The following METTL6 variants were observed in gnomAD, a reference collection of about 807,000 sequenced individuals.
METTL6 encodes the protein methyltransferase 6, tRNA N3-cytidine.
In METTL6, 22 loss-of-function variants were observed where a neutral mutation model predicts 26.4. The ratio of observed to expected loss-of-function variants is 0.83; its 90% confidence interval spans 0.59 to 1.19. The LOEUF is 1.19. Among genes scored for constraint, METTL6 ranks in the 50% most tolerant of loss-of-function variants. The pLI is 0.00. For missense variants in METTL6, 304 were observed against 324.8 expected, an observed-to-expected ratio of 0.94 and a Z score of 0.49; for synonymous variants, 109 against 116.2, an observed-to-expected ratio of 0.94 and a Z score of 0.40.
chr3:15,422,955 T>C (rs1027803182), intron 3 of METTL6, among the ~76,000 whole-genome samples: 3 of 152,150 alleles, frequency 2.0e-5, no homozygotes, highest in Non-Finnish European at 2.9e-5. Flanking sequence ...ACAGATAATA[T>C]AGAACATAGA....
intron 6 of METTL6, among the ~76,000 whole-genome samples, chr3:15,387,378 C>T (rs1312915043): frequency 6.6e-6 from 1 of 152,170 alleles, no homozygotes; most frequent in Non-Finnish European, 1.5e-5. Flanking sequence ...TCAGTAAGGT[C>T]TTTGTGACCT....
chr3:15,402,318 A>T (rs1699669266), intron 6 of METTL6, among the ~76,000 whole-genome samples: 1 of 152,160 alleles, frequency 6.6e-6, no homozygotes, highest in Non-Finnish European at 1.5e-5. Flanking sequence ...GGGAATGGGG[A>T]GTGCCCATTA....
intron 6 of METTL6, among the ~76,000 whole-genome samples, chr3:15,385,435 T>C (rs1421335903): frequency 1.3e-5 from 2 of 151,898 alleles, no homozygotes; most frequent in Admixed American, 1.3e-4. Context: ...CTGTCTCTAC[T>C]AAAAATACAA....
chr3:15,421,157 AT>A (rs1218162173), intron 3 of METTL6, among the ~76,000 whole-genome samples: 1 of 152,194 alleles, frequency 6.6e-6, no homozygotes, highest in Non-Finnish European at 1.5e-5. Flanking sequence ...CTATAGGTGC[AT>A]TTTTAGTAAA....
chr3:15,404,204 A>G (rs1699727553), intron 6 of METTL6, among the ~76,000 whole-genome samples: 1 of 151,942 alleles, frequency 6.6e-6, no homozygotes, highest in South Asian at 2.1e-4. Context: ...GACACCCACT[A>G]TCCCTTCACC....
intron 6 of METTL6, among the ~76,000 whole-genome samples, chr3:15,401,045 CTTT>C (rs369602192): frequency 2.1e-5 from 3 of 144,824 alleles, no homozygotes; most frequent in Admixed American, 7.0e-5. Context: ...GTATTTTCTT[CTTT>C]TTTTTTTTTG....
chr3:15,398,223 T>C (rs1214575197), intron 6 of METTL6, among the ~76,000 whole-genome samples: 1 of 152,068 alleles, frequency 6.6e-6, no homozygotes, highest in Non-Finnish European at 1.5e-5. Context: ...AGACAGAGTC[T>C]TGCTCTGTTG....
exon 7 of METTL6, chr3:15,381,463 C>T (rs1366542998): frequency 6.6e-6 from 1 of 152,152 alleles, no homozygotes; most frequent in Non-Finnish European, 1.5e-5. Flanking sequence ...GGCAAGGGTC[C>T]AAGGAGGTGG....
chr3:15,411,235 A>C lies in METTL6; in HGVS notation c.*21T>G, dbSNP rs73142296. The C allele has an allele frequency of 1.1e-3, 1,786 of 1,598,794 alleles. 18 individuals are homozygous for C. The African/African-American group carries it at 0.018, about 16-fold the overall frequency. On this transcript the variant is annotated 3_prime_UTR_variant, in exon 6 of 6. Coordinates refer to ENST00000383790, the MANE Select transcript of METTL6 (RefSeq NM_152396.4). ...AATTTTCCTCTTCAAGGGAAGGTATAAATGCCAACCTCATGAAAGGTCAGG... is the reference window on the plus strand; with the variant it reads ...AATTTTCCTCTTCAAGGGAAGGTATCAATGCCAACCTCATGAAAGGTCAGG...
chr3:15,413,995 T>G (rs755589842), intron 5 of METTL6, 26 bp downstream of exon 5: 58 of 1,613,544 alleles, frequency 3.6e-5, no homozygotes, highest in Admixed American at 5.0e-5. Flanking sequence ...ATAAAACATT[T>G]AAAGACTGGA....
downstream of METTL6, among the ~76,000 whole-genome samples, chr3:15,407,070 G>A (rs1384413195): frequency 2.6e-5 from 4 of 152,234 alleles, no homozygotes; most frequent in African/African-American, 9.6e-5. Flanking sequence ...AAGCTGGAGT[G>A]CAGTGGCACA....
downstream of METTL6, among the ~76,000 whole-genome samples, chr3:15,409,446 A>G (rs1699887419): frequency 1.3e-5 from 2 of 152,242 alleles, no homozygotes; most frequent in Admixed American, 1.3e-4. Context: ...GAAAGAGGTC[A>G]GCAGACCAAT....
At chr3:15,383,796 G>T (rs937621315) in exon 7 of METTL6, 1 of 152,432 alleles carries the variant, frequency 6.6e-6, no homozygotes, top group Non-Finnish European at 1.5e-5. Flanking sequence ...TAAGCCAGCA[G>T]GGATGAAAGT....
chr3:15,417,387 G>A (rs571599525), intron 3 of METTL6, among the ~76,000 whole-genome samples: 4 of 151,850 alleles, frequency 2.6e-5, no homozygotes, highest in Non-Finnish European at 4.4e-5. Flanking sequence ...CCTGGGAGGC[G>A]GAGGTTGTAG....
Position 15,426,380 on chromosome 3 carries a change from A to G in METTL6, c.132T>C (p.Asn44=), listed in dbSNP as rs768972630. 5.0e-6 allele frequency: 8 copies of G among 1,614,010 alleles called. No homozygotes were observed. The highest frequency in any genetic ancestry group is 6.8e-6 in the Non-Finnish European group (8 of 1,179,988). Reference sequence around the variant, plus strand: ...TATTTCTTTTGTAAAAAAGATCCCAATTTTTCTGAGCCTCTTGTTCCAATT... The same window carrying G: ...TATTTCTTTTGTAAAAAAGATCCCAGTTTTTCTGAGCCTCTTGTTCCAATT... ...QQKLEQEAQK[N]WDLFYKRNST... The change falls in exon 2 of 6, where the codon AAT becomes AAC. Residue 44 remains asparagine (N), a synonymous_variant. Transcript: ENST00000383790.
exon 7 of METTL6, chr3:15,383,956 A>G: frequency 4.0e-6 from 1 of 247,476 alleles, no homozygotes; most frequent in Non-Finnish European, 8.0e-6. Flanking sequence ...TTAGAACCCT[A>G]AATCTCTCCT....
downstream of METTL6, among the ~76,000 whole-genome samples, chr3:15,408,579 T>TTTTTC (rs1553627420): frequency 3.4e-5 from 5 of 147,808 alleles, no homozygotes; most frequent in African/African-American, 1.0e-4. Context: ...TTTTTTTTTT[T>TTTTTC]CAATTGGACA....
intron 5 of METTL6, among the ~76,000 whole-genome samples, chr3:15,412,474 A>ATTTTT (rs138709560): frequency 6.6e-6 from 1 of 151,536 alleles, no homozygotes; most frequent in Non-Finnish European, 1.5e-5. Context: ...ATAATTTTGC[A>ATTTTT]TTTTGTTTTG....
At chr3:15,391,691 T>A (rs991358668) in intron 6 of METTL6, among the ~76,000 whole-genome samples, 2 of 129,148 alleles carry the variant, frequency 1.5e-5, no homozygotes, top group African/African-American at 2.9e-5. Flanking sequence ...ATGTTCCCCT[T>A]CCTGTGTCCA....
Sources: gnomAD v4.1 joint callset for allele counts (sites outside exome capture counted in the v4.1 genomes callset) on GRCh38, gnomAD v4.1.1 for gene constraint, MANE v1.5 for transcripts, NCBI Gene and HGNC (gene_info 2026-07-23, HGNC 2026-07-21) for gene names.